Variants in C10orf90 observed in about 807,000 individuals in gnomAD.
The protein encoded by C10orf90 is chromosome 10 open reading frame 90, also known as (E2-independent) E3 ubiquitin-conjugating enzyme FATS.
Under a neutral mutation model 62.5 loss-of-function variants are expected in C10orf90, and 56 were observed. That is an observed-to-expected ratio of 0.90 (90% CI 0.72 to 1.12). C10orf90 has a LOEUF of 1.12. Among genes scored for constraint, C10orf90 ranks in the 50% most tolerant of loss-of-function variants. The pLI is 0.00. For missense variants in C10orf90, 970 were observed against 880.4 expected (o/e 1.10, Z -1.29); for synonymous variants, 386 against 340.4 (o/e 1.13, Z -1.47).
In C10orf90 at chr10:126,497,506, C is replaced by G. The variant is rs537565096; in HGVS notation, c.1534+6451G>C. Among the ~76,000 whole-genome samples, 9 of 152,296 alleles carry G rather than the reference C, an allele frequency of 5.9e-5. No individual in the cohort carries two copies. The East Asian group carries it at 1.7e-3, about 29-fold the overall frequency. ...GAGAAGCTGGCTTGTCTGACAGCTC[C>G]TGTTGCAGAAAACCATAGGCCCCAA... On this transcript the variant is annotated intron_variant, in intron 4 of 9. Coordinates refer to ENST00000488181, the MANE Select transcript of C10orf90 (RefSeq NM_001350921.2).
At chr10:126,448,017 C>CT (rs1186409126) in intron 7 of C10orf90, among the ~76,000 whole-genome samples, 5,592 of 79,138 alleles carry the variant, frequency 0.071, 528 homozygotes, top group Middle Eastern at 0.11. Context: ...ATGCCTGGCT[C>CT]TTTTTTTTTT....
At chr10:126,604,877 T>G (rs11816099) in intron 2 of C10orf90, among the ~76,000 whole-genome samples, 5,221 of 152,282 alleles carry the variant, frequency 0.034, 297 homozygotes, top group African/African-American at 0.12. Context: ...TATCCATTTT[T>G]CCATTAATGG....
chr10:126,658,000 C>T (rs960626795), intron 1 of C10orf90, among the ~76,000 whole-genome samples: 5 of 152,152 alleles, frequency 3.3e-5, no homozygotes, highest in Non-Finnish European at 7.3e-5. Context: ...CACATGCACT[C>T]CCTCACCACC....
intron 2 of C10orf90, among the ~76,000 whole-genome samples, chr10:126,519,605 C>T (rs1863631876): frequency 6.6e-6 from 1 of 152,152 alleles, no homozygotes; most frequent in Admixed American, 6.5e-5. Flanking sequence ...GAATTTTCAC[C>T]ATCCTTTTAA....
At chr10:126,528,332 G>A (rs1442557797) in intron 2 of C10orf90, among the ~76,000 whole-genome samples, 1 of 152,062 alleles carries the variant, frequency 6.6e-6, no homozygotes, top group East Asian at 1.9e-4. Context: ...AGTTTTAGAA[G>A]CATCAAAATA....
At chr10:126,658,339 C>T (rs1846438376) in intron 1 of C10orf90, among the ~76,000 whole-genome samples, 1 of 152,220 alleles carries the variant, frequency 6.6e-6, no homozygotes, top group Non-Finnish European at 1.5e-5. Flanking sequence ...AACCCTAGTT[C>T]CTTTCCTTGT....
chr10:126,427,642 C>T (rs1857335416), intron 8 of C10orf90, among the ~76,000 whole-genome samples: 1 of 152,148 alleles, frequency 6.6e-6, no homozygotes, highest in Admixed American at 6.5e-5. Flanking sequence ...GCTAGATGCT[C>T]CTCCTCCCGC....
intron 2 of C10orf90, among the ~76,000 whole-genome samples, chr10:126,600,357 T>C (rs1327954297): frequency 6.6e-6 from 1 of 152,182 alleles, no homozygotes; most frequent in Non-Finnish European, 1.5e-5. Context: ...TTATCTTCTC[T>C]TGTGGCCATT....
chr10:126,644,644 G>A (rs990442795), intron 2 of C10orf90, among the ~76,000 whole-genome samples: 1 of 152,178 alleles, frequency 6.6e-6, no homozygotes, highest in Non-Finnish European at 1.5e-5. Flanking sequence ...CTAGCCTCCG[G>A]CCAACATGGG....
intron 2 of C10orf90, among the ~76,000 whole-genome samples, chr10:126,558,886 G>T (rs1161973869): frequency 1.3e-5 from 2 of 152,218 alleles, no homozygotes; most frequent in African/African-American, 4.8e-5. Flanking sequence ...CTGGGTAAAT[G>T]CTGGATGGAC....
intron 2 of C10orf90, among the ~76,000 whole-genome samples, chr10:126,519,876 C>T (rs7902604): frequency 6.6e-6 from 1 of 152,026 alleles, no homozygotes. Context: ...CCAATCCAGC[C>T]GAGGAGAGGC....
intron 2 of C10orf90, among the ~76,000 whole-genome samples, chr10:126,543,336 C>T (rs1249787548): frequency 2.0e-5 from 3 of 152,126 alleles, no homozygotes; most frequent in Non-Finnish European, 2.9e-5. Flanking sequence ...AACATTCCTG[C>T]CTCAAAAGGT....
In C10orf90 at chr10:126,425,109, G is replaced by A. The variant is rs781461641; in HGVS notation, c.*755C>T. 6.6e-6 allele frequency: 1 copy of A among 152,196 alleles called. No homozygotes were observed. Among genetic ancestry groups the A allele is most frequent in the Non-Finnish European group, 1.5e-5 (1 of 68,054 alleles). The allele number at this position is 152,196 out of a possible 1,614,324, so 9.4% of individuals were successfully genotyped here. On this transcript the variant is annotated 3_prime_UTR_variant, in exon 10 of 10. Coordinates refer to ENST00000488181, the MANE Select transcript of C10orf90 (RefSeq NM_001350921.2). ...TAATGTGTATTATAAACATTTGGAA[G>A]AACAGACAGCAAAGTTGGACCATTA...
chr10:126,617,957 C>G (rs1010164708), intron 2 of C10orf90, among the ~76,000 whole-genome samples: 1 of 152,196 alleles, frequency 6.6e-6, no homozygotes, highest in African/African-American at 2.4e-5. Context: ...TGGCTGTGGG[C>G]CATGGCTGAT....
intron 4 of C10orf90, among the ~76,000 whole-genome samples, chr10:126,467,024 C>T (rs769613288): frequency 6.6e-6 from 1 of 152,186 alleles, no homozygotes; most frequent in Non-Finnish European, 1.5e-5. Context: ...ATCAGTGATG[C>T]AGTCTCAATC....
At chr10:126,538,029 C>T (rs1864280151) in intron 2 of C10orf90, among the ~76,000 whole-genome samples, 1 of 152,178 alleles carries the variant, frequency 6.6e-6, no homozygotes, top group South Asian at 2.1e-4. Context: ...TATTAGTTCT[C>T]ACACTGCTAA....
chr10:126,465,994 T>A (rs1253572817), intron 4 of C10orf90, among the ~76,000 whole-genome samples: 1 of 151,758 alleles, frequency 6.6e-6, no homozygotes, highest in Admixed American at 6.6e-5. Flanking sequence ...GAATTGGGAG[T>A]GGAAGACAGG....
intron 4 of C10orf90, among the ~76,000 whole-genome samples, chr10:126,469,009 C>G (rs1279907570): frequency 6.6e-6 from 1 of 152,178 alleles, no homozygotes; most frequent in Non-Finnish European, 1.5e-5. Flanking sequence ...CCTACATGCA[C>G]ACAGTCTCAT....
chr10:126,464,755 T>C lies in C10orf90; in HGVS notation c.1766A>G (p.Asp589Gly). 2 of 1,614,112 alleles carry C rather than the reference T, an allele frequency of 1.2e-6. No homozygotes were observed. The highest frequency in any genetic ancestry group is 1.7e-6 in the Non-Finnish European group (2 of 1,180,016). The change falls in exon 5 of 10, where the codon GAT becomes GGT. Residue 589 changes from aspartate to glycine, a missense_variant. Asp to Gly is a moderately conservative substitution (Grantham distance 94). Coordinates refer to ENST00000488181, the MANE Select transcript of C10orf90 (RefSeq NM_001350921.2). ...LFPGFLCPLQ[D>G]VCASLQEDNG... ...GTCTTCCTGCAGAGATGCACATACA[T>C]CTTGTAAGGGGCAAAGAAACCCAGG...
Sources: gnomAD v4.1 joint callset for allele counts (sites outside exome capture counted in the v4.1 genomes callset) on GRCh38, gnomAD v4.1.1 for gene constraint, MANE v1.5 for transcripts, NCBI Gene and HGNC (gene_info 2026-07-23, HGNC 2026-07-21) for gene names.